Variants in UBE2E2 observed in about 807,000 individuals in gnomAD.
UBE2E2 encodes the protein ubiquitin conjugating enzyme E2 E2.
Under a neutral mutation model 24.7 loss-of-function variants are expected in UBE2E2, and 6 were observed. The observed-to-expected ratio is 0.24, with a 90% confidence interval of 0.13 to 0.48. UBE2E2 has a LOEUF of 0.48. Ranked by LOEUF, UBE2E2 falls within the 20% of genes least tolerant of loss-of-function variation. The pLI, the probability that UBE2E2 is intolerant of heterozygous loss-of-function variation, is 0.99. For missense variants in UBE2E2, 169 were observed against 245.0 expected, an observed-to-expected ratio of 0.69 and a Z score of 2.07; for synonymous variants, 104 against 83.6, an observed-to-expected ratio of 1.24 and a Z score of -1.33.
chr3:23,394,440 T>G (rs756887861), intron 3 of UBE2E2, among the ~76,000 whole-genome samples: 6 of 152,154 alleles, frequency 3.9e-5, no homozygotes, highest in Non-Finnish European at 8.8e-5. Flanking sequence ...AGCCTTATCA[T>G]GGGAAAAAAG....
intron 3 of UBE2E2, among the ~76,000 whole-genome samples, chr3:23,469,432 A>G (rs1559393458): frequency 6.6e-6 from 1 of 152,204 alleles, no homozygotes; most frequent in East Asian, 1.9e-4. Context: ...TGATGCCTCT[A>G]AATTAAATAT....
chr3:23,356,784 CA>C (rs1695967042), intron 3 of UBE2E2, among the ~76,000 whole-genome samples: 1 of 152,212 alleles, frequency 6.6e-6, no homozygotes. Flanking sequence ...GCATAACAAA[CA>C]ACATCAAAAT....
chr3:23,445,001 C>A (rs932419727), intron 3 of UBE2E2, among the ~76,000 whole-genome samples: 12 of 152,160 alleles, frequency 7.9e-5, no homozygotes, highest in African/African-American at 2.9e-4. Flanking sequence ...TCTTTTACTC[C>A]CTCTACCTCC....
rs1697540709 is a variant in UBE2E2 at position 23,413,342 on chromosome 3, T to C, written c.228-86266T>C. Among the ~76,000 whole-genome samples the C allele has an allele frequency of 5.9e-5, 9 of 152,284 alleles. No individual in the cohort carries two copies. The South Asian group carries it at 1.9e-3, about 32-fold the overall frequency. ...TTGTTTTCTGCAGCAGTAGAGCTAA[T>C]ATACTTTGACCTTTTTTTCCCAAAT... is the stretch of plus-strand genomic sequence containing the variant. On this transcript the variant is annotated intron_variant, in intron 3 of 5. Transcript: ENST00000396703.
chr3:23,389,320 CT>C (rs1409727983), intron 3 of UBE2E2, among the ~76,000 whole-genome samples: 2 of 152,168 alleles, frequency 1.3e-5, no homozygotes, highest in Non-Finnish European at 2.9e-5. Flanking sequence ...TCATGGATCT[CT>C]TTTCATGGTG....
chr3:23,405,111 A>G (rs547052283), intron 3 of UBE2E2, among the ~76,000 whole-genome samples: 1 of 152,318 alleles, frequency 6.6e-6, no homozygotes, highest in South Asian at 2.1e-4. Flanking sequence ...TTTGCTGTAC[A>G]ATATTTTTGG....
chr3:23,585,314 T>C (rs1696596203), intron 5 of UBE2E2, among the ~76,000 whole-genome samples: 1 of 143,854 alleles, frequency 7.0e-6, no homozygotes, highest in African/African-American at 2.6e-5. Flanking sequence ...AAGGCTGCAG[T>C]GAGCTATGAT....
intron 3 of UBE2E2, among the ~76,000 whole-genome samples, chr3:23,345,998 A>C (rs1365019638): frequency 1.3e-5 from 2 of 152,202 alleles, no homozygotes; most frequent in African/African-American, 4.8e-5. Context: ...TGATCTAATC[A>C]ATCATGGTGC....
chr3:23,399,980 C>G (rs1380479955), intron 3 of UBE2E2, among the ~76,000 whole-genome samples: 1 of 152,128 alleles, frequency 6.6e-6, no homozygotes, highest in East Asian at 1.9e-4. Context: ...TTTAACTGCT[C>G]CCTTCTCTTG....
intron 3 of UBE2E2, among the ~76,000 whole-genome samples, chr3:23,390,775 C>T (rs1056320520): frequency 1.3e-5 from 2 of 152,200 alleles, no homozygotes; most frequent in African/African-American, 4.8e-5. Flanking sequence ...GGTAAGCGAG[C>T]CATACCCCTG....
Position 23,534,328 on chromosome 3 carries a change from A to T in UBE2E2, c.508+1627A>T, listed in dbSNP as rs186563874. The stretch of plus-strand genomic sequence containing the variant: ...CAAAAAGACTTCTGTTCAGTGAACT[A>T]GTTTTTTTTTTTTGCTCCGTTTCAG... On this transcript the variant is annotated intron_variant, in intron 5 of 5. Coordinates refer to ENST00000396703, the MANE Select transcript of UBE2E2 (RefSeq NM_152653.4). The T allele has an allele frequency of 2.2e-4, 167 of 774,520 alleles. No homozygotes were observed. In the African/African-American group the frequency reaches 3.0e-3, roughly 14 times the overall value. 48.0% of individuals were successfully genotyped at this position (774,520 alleles called of 1,614,324 possible). A position where few individuals can be genotyped will look rare whatever the true frequency, so the allele number is the denominator to read the frequency against.
intron 4 of UBE2E2, among the ~76,000 whole-genome samples, chr3:23,524,979 G>C (rs1694960596): frequency 6.6e-6 from 1 of 151,972 alleles, no homozygotes; most frequent in African/African-American, 2.4e-5. Flanking sequence ...TAGTCTTATA[G>C]TTCCGTGGGT....
intron 3 of UBE2E2, among the ~76,000 whole-genome samples, chr3:23,454,661 A>T (rs1698635943): frequency 6.6e-6 from 1 of 152,230 alleles, no homozygotes; most frequent in Non-Finnish European, 1.5e-5. Context: ...ATGTCTGGGT[A>T]TGCCTATATG....
intron 4 of UBE2E2, among the ~76,000 whole-genome samples, chr3:23,513,874 G>A (rs888244626): frequency 6.6e-6 from 1 of 152,114 alleles, no homozygotes; most frequent in Non-Finnish European, 1.5e-5. Flanking sequence ...TATTGAAAGA[G>A]TGTGAAGAGT....
At chr3:23,300,341 T>G (rs999038543) in intron 3 of UBE2E2, among the ~76,000 whole-genome samples, 11 of 152,316 alleles carry the variant, frequency 7.2e-5, no homozygotes, top group Middle Eastern at 3.4e-3. Context: ...GTTAGCTGGT[T>G]ATTTTGCTCG....
intron 2 of UBE2E2, among the ~76,000 whole-genome samples, chr3:23,209,857 A>ACTAGAGTC (rs1426604042): frequency 2.0e-5 from 3 of 152,196 alleles, no homozygotes; most frequent in African/African-American, 7.2e-5. Context: ...ATTCCAAGGT[A>ACTAGAGTC]CTAGAGTATT....
chr3:23,480,713 A>C (rs1414733927), intron 3 of UBE2E2, among the ~76,000 whole-genome samples: 1 of 152,218 alleles, frequency 6.6e-6, no homozygotes, highest in Non-Finnish European at 1.5e-5. Context: ...AATGCTGTAA[A>C]ATTGCTTAGT....
intron 3 of UBE2E2, among the ~76,000 whole-genome samples, chr3:23,287,528 C>T (rs908313466): frequency 1.3e-5 from 2 of 151,918 alleles, no homozygotes; most frequent in Admixed American, 6.6e-5. Context: ...TGATAAAATT[C>T]GGCCTTGAAG....
chr3:23,203,671 C>CCTTA (rs2125312213), intron 1 of UBE2E2, among the ~76,000 whole-genome samples: 1 of 135,304 alleles, frequency 7.4e-6, no homozygotes, highest in South Asian at 2.8e-4. Flanking sequence ...CCCTTTCTAC[C>CCTTA]CCTCCCCCTT....
Sources: gnomAD v4.1 joint callset for allele counts (sites outside exome capture counted in the v4.1 genomes callset) on GRCh38, gnomAD v4.1.1 for gene constraint, MANE v1.5 for transcripts, NCBI Gene and HGNC (gene_info 2026-07-23, HGNC 2026-07-21) for gene names.